Variants in SLC9A9 observed in about 807,000 individuals in gnomAD.
The protein encoded by SLC9A9 is solute carrier family 9 member A9, also known as sodium/hydrogen exchanger 9.
Under a neutral mutation model 77.8 loss-of-function variants are expected in SLC9A9, and 62 were observed. That is an observed-to-expected ratio of 0.80 (90% CI 0.65 to 0.98). SLC9A9 has a LOEUF of 0.98. Ranked by LOEUF, SLC9A9 falls within the 50% of genes least tolerant of loss-of-function variation. The pLI, the probability that SLC9A9 is intolerant of heterozygous loss-of-function variation, is 0.00. For missense variants in SLC9A9, 775 were observed against 774.9 expected (o/e 1.00, Z 0.00); for synonymous variants, 320 against 283.5 (o/e 1.13, Z -1.29).
chr3:143,632,087 G>T (rs533943460), intron 6 of SLC9A9, among the ~76,000 whole-genome samples: 54 of 152,260 alleles, frequency 3.5e-4, no homozygotes, highest in African/African-American at 1.3e-3. Context: ...CTGGATTACA[G>T]ACCTTTAACT....
chr3:143,766,991 G>T (rs1165423334), intron 4 of SLC9A9, among the ~76,000 whole-genome samples: 1 of 152,148 alleles, frequency 6.6e-6, no homozygotes, highest in Non-Finnish European at 1.5e-5. Flanking sequence ...GGCCACAATT[G>T]CTGTAAGCAA....
chr3:143,383,166 T>C (rs1403515695), intron 12 of SLC9A9, among the ~76,000 whole-genome samples: 2 of 152,254 alleles, frequency 1.3e-5, no homozygotes, highest in Non-Finnish European at 2.9e-5. Context: ...AGAAGAATTT[T>C]CAACAGAGTC....
chr3:143,660,182 T>C (rs375156890), intron 5 of SLC9A9, among the ~76,000 whole-genome samples: 202 of 152,344 alleles, frequency 1.3e-3, no homozygotes, highest in African/African-American at 4.5e-3. Context: ...TGTTACATTA[T>C]GTGGGCAGGT....
At chr3:143,381,953 C>G (rs1449841924) in intron 13 of SLC9A9, 107 bp downstream of exon 13, 7 of 1,289,718 alleles carry the variant, frequency 5.4e-6, no homozygotes, top group Non-Finnish European at 7.9e-6. Flanking sequence ...GCAGAGGAAG[C>G]TCCGTTTAGA....
chr3:143,329,571 C>T (rs1201818905), intron 14 of SLC9A9, among the ~76,000 whole-genome samples: 2 of 152,210 alleles, frequency 1.3e-5, no homozygotes, highest in East Asian at 1.9e-4. Flanking sequence ...GTGTGCAGGC[C>T]ACCTTGGCCT....
intron 6 of SLC9A9, among the ~76,000 whole-genome samples, chr3:143,586,149 G>T (rs1018261069): frequency 1.3e-5 from 2 of 152,248 alleles, no homozygotes; most frequent in African/African-American, 4.8e-5. Context: ...GAGGCAAAGG[G>T]GATGGGGTGG....
chr3:143,268,099 A>G (rs566024731), intron 15 of SLC9A9, among the ~76,000 whole-genome samples: 3 of 152,296 alleles, frequency 2.0e-5, no homozygotes, highest in Middle Eastern at 3.4e-3. Flanking sequence ...CACACCTGAG[A>G]TAAGTTTTTG....
intron 9 of SLC9A9, among the ~76,000 whole-genome samples, chr3:143,502,662 G>C (rs1308036778): frequency 6.6e-6 from 1 of 151,892 alleles, no homozygotes; most frequent in East Asian, 1.9e-4. Flanking sequence ...GCTTTTATGA[G>C]GCTCGACACA....
At chr3:143,610,055 A>T (rs564461323) in intron 6 of SLC9A9, among the ~76,000 whole-genome samples, 62 of 152,322 alleles carry the variant, frequency 4.1e-4, no homozygotes, top group African/African-American at 1.5e-3. Context: ...CGCAAGCACC[A>T]AAGTTTGATG....
At chr3:143,406,937 C>T (rs1163354173) in intron 12 of SLC9A9, among the ~76,000 whole-genome samples, 4 of 142,410 alleles carry the variant, frequency 2.8e-5, no homozygotes, top group East Asian at 2.0e-4. Flanking sequence ...GGTTGTGCCA[C>T]TGCACTCCAG....
chr3:143,487,445 C>G (rs375226812), intron 11 of SLC9A9, among the ~76,000 whole-genome samples: 1 of 151,800 alleles, frequency 6.6e-6, no homozygotes, highest in South Asian at 2.1e-4. Context: ...ACAGAACAAT[C>G]TACCCAACGA....
intron 11 of SLC9A9, among the ~76,000 whole-genome samples, chr3:143,492,274 AGAGC>A (rs1320776754): frequency 2.7e-5 from 4 of 149,994 alleles, no homozygotes; most frequent in African/African-American, 7.4e-5. Context: ...CCTGGGCGAC[AGAGC>A]GAGACTCCGT....
intron 5 of SLC9A9, among the ~76,000 whole-genome samples, chr3:143,670,343 G>T (rs755736982): frequency 6.6e-6 from 1 of 152,230 alleles, no homozygotes; most frequent in Non-Finnish European, 1.5e-5. Context: ...GGTGTGCTTT[G>T]CAGGGTTACA....
At chr3:143,320,212 C>G (rs545893077) in intron 14 of SLC9A9, among the ~76,000 whole-genome samples, 22 of 152,320 alleles carry the variant, frequency 1.4e-4, no homozygotes, top group African/African-American at 5.1e-4. Flanking sequence ...ACTATCGTAT[C>G]CTCAGTGCCT....
In SLC9A9 at chr3:143,677,634, G is replaced by A. The variant is rs190933260; in HGVS notation, c.649+15558C>T. On this transcript the variant is annotated intron_variant, in intron 5 of 15. Transcript: ENST00000316549. Reference sequence around the variant, plus strand: ...AAATGTTCTCTAGAAATGTGTAAAAGTCCACTCTTTCCTGCAACCCTGCCA... The same window carrying A: ...AAATGTTCTCTAGAAATGTGTAAAAATCCACTCTTTCCTGCAACCCTGCCA... 7.4e-4 allele frequency among the ~76,000 whole-genome samples: 113 copies of A among 152,256 alleles called. 2 individuals carry two copies. Among genetic ancestry groups the A allele is most frequent in the Non-Finnish European group, 2.2e-4 (15 of 68,020 alleles).
At position 143,354,076 on chromosome 3, in the gene SLC9A9, T is replaced by G. The variant is rs552679447; in HGVS notation, c.1604+9408A>C. Among the ~76,000 whole-genome samples the G allele has an allele frequency of 3.3e-5, 5 of 152,284 alleles. No individual in the cohort carries two copies. The East Asian group carries it at 9.6e-4, about 29-fold the overall frequency. On this transcript the variant is annotated intron_variant, in intron 14 of 15. Coordinates refer to ENST00000316549, the MANE Select transcript of SLC9A9 (RefSeq NM_173653.4). The stretch of plus-strand genomic sequence containing the variant: ...TTCATTGTCCCTCCAGACCACCTGT[T>G]TTCTCTCTCCTGTAATTCTGTACTT...
chr3:143,628,521 ACT>A (rs1285566861), intron 6 of SLC9A9, among the ~76,000 whole-genome samples: 1 of 152,090 alleles, frequency 6.6e-6, no homozygotes, highest in African/African-American at 2.4e-5. Context: ...GTCGCTAAAC[ACT>A]CTAGTATTTA....
At chr3:143,701,214 C>T (rs1933791776) in intron 4 of SLC9A9, among the ~76,000 whole-genome samples, 1 of 152,146 alleles carries the variant, frequency 6.6e-6, no homozygotes, top group Non-Finnish European at 1.5e-5. Context: ...GCAAAGACTA[C>T]AATAAATAGC....
chr3:143,828,848 C>T (rs868411759), intron 2 of SLC9A9, among the ~76,000 whole-genome samples: 2 of 152,190 alleles, frequency 1.3e-5, no homozygotes, highest in Non-Finnish European at 1.5e-5. Context: ...ACAAACGCAG[C>T]ATCTCTCTCC....
Sources: gnomAD v4.1 joint callset for allele counts (sites outside exome capture counted in the v4.1 genomes callset) on GRCh38, gnomAD v4.1.1 for gene constraint, MANE v1.5 for transcripts, NCBI Gene and HGNC (gene_info 2026-07-23, HGNC 2026-07-21) for gene names.